Variants in TSGA10IP observed in about 807,000 individuals in gnomAD.
TSGA10IP encodes the protein testis specific 10 interacting protein, also known as testis-specific protein 10-interacting protein.
A neutral mutation model predicts 63.2 loss-of-function variants in TSGA10IP; 64 were observed. The ratio of observed to expected loss-of-function variants is 1.01; its 90% CI spans 0.83 to 1.25. The LOEUF is 1.25. Ranked by LOEUF, TSGA10IP falls within the 50% of genes most tolerant of loss-of-function variation. The probability of loss-of-function intolerance (pLI) is 0.00; values close to 1 mark genes in which losing one functional copy is unlikely to be tolerated. For missense variants in TSGA10IP, 681 were observed against 710.1 expected (o/e 0.96, Z 0.47); for synonymous variants, 316 against 298.3 (o/e 1.06, Z -0.61).
chr11:65,953,645 T>A lies in TSGA10IP; in HGVS notation c.1230T>A (p.His410Gln), dbSNP rs771119134. 4 of 1,590,880 alleles carry A rather than the reference T, an allele frequency of 2.5e-6. No homozygotes were observed. The South Asian group carries it at 4.5e-5, about 18-fold the overall frequency. ...AGCTGCGGCGGGCCCGGACACAGCA[T>A]GTACAGCGGCAGGTGGCCCACTGCC... Residue 410 changes from histidine to glutamine, a missense_variant, in exon 5 of 8, where the codon CAT (histidine) becomes CAA (glutamine). Transcript: ENST00000532620.
At chr11:65,947,518 T>C in exon 3 of TSGA10IP, 1 of 1,613,612 alleles carries the variant, frequency 6.2e-7, no homozygotes, top group Non-Finnish European at 8.5e-7. Flanking sequence ...GTCTGAGTTC[T>C]GGGGTGCTGC....
chr11:65,958,799 C>A, intron 5 of TSGA10IP, 84 bp from the exon 6 acceptor site: 2 of 1,105,088 alleles, frequency 1.8e-6, no homozygotes, highest in Non-Finnish European at 2.7e-6. Context: ...AATATCAAGT[C>A]CTTAGTGAAG....
At chr11:65,947,798 C>A in exon 3 of TSGA10IP, 1 of 1,574,998 alleles carries the variant, frequency 6.3e-7, no homozygotes, top group Non-Finnish European at 8.6e-7. Flanking sequence ...GGAGAAGCTG[C>A]ACAGGCAGCT....
intron 5 of TSGA10IP, among the ~76,000 whole-genome samples, chr11:65,957,379 G>C (rs145461986): frequency 1.3e-5 from 2 of 152,120 alleles, no homozygotes; most frequent in African/African-American, 4.8e-5. Context: ...TCGATCTCCT[G>C]ACCTCGAGAT....
At chr11:65,954,663 CA>C (rs1415484235) in intron 5 of TSGA10IP, among the ~76,000 whole-genome samples, 1 of 151,930 alleles carries the variant, frequency 6.6e-6, no homozygotes, top group Non-Finnish European at 1.5e-5. Flanking sequence ...ACTAAAAATA[CA>C]AAAAGTAGCC....
At chr11:65,959,720 C>T (rs546592209) in intron 7 of TSGA10IP, 97 bp from the exon 8 acceptor site, 33 of 1,451,258 alleles carry the variant, frequency 2.3e-5, no homozygotes, top group South Asian at 1.3e-4. Flanking sequence ...CACAGCAAGC[C>T]GGCACTGAAG....
At chr11:65,958,331 T>G (rs139477950) in intron 5 of TSGA10IP, among the ~76,000 whole-genome samples, 2 of 152,342 alleles carry the variant, frequency 1.3e-5, no homozygotes, top group East Asian at 3.9e-4. Flanking sequence ...GAAACATATT[T>G]TTTTTTAGTT....
At chr11:65,946,298 C>T (rs755398537) in intron 1 of TSGA10IP, among the ~76,000 whole-genome samples, 57 of 152,260 alleles carry the variant, frequency 3.7e-4, no homozygotes, top group African/African-American at 1.0e-3. Context: ...TAGTGAGTAC[C>T]GGCCTCCTAG....
At chr11:65,956,357 G>C (rs1855024528) in intron 5 of TSGA10IP, among the ~76,000 whole-genome samples, 1 of 151,946 alleles carries the variant, frequency 6.6e-6, no homozygotes, top group Admixed American at 6.6e-5. Flanking sequence ...GGCTGGTCTT[G>C]AACTCCCGAC....
chr11:65,946,935 A>G (rs1184625121), exon 2 of TSGA10IP: 1 of 1,613,962 alleles, frequency 6.2e-7, no homozygotes, highest in South Asian at 1.1e-5. Flanking sequence ...CAGAGGTCTC[A>G]GAGCTCAAGG....
At chr11:65,952,227 C>T (rs1464493241) in intron 4 of TSGA10IP, among the ~76,000 whole-genome samples, 1 of 152,088 alleles carries the variant, frequency 6.6e-6, no homozygotes, top group Non-Finnish European at 1.5e-5. Context: ...ATATTAACCC[C>T]TTTTCAGATG....
intron 4 of TSGA10IP, among the ~76,000 whole-genome samples, chr11:65,951,518 T>TTTATTTTTA (rs1555055830): frequency 3.6e-5 from 5 of 139,116 alleles, no homozygotes; most frequent in African/African-American, 8.0e-5. Context: ...ATTTGCTTAT[T>TTTATTTTTA]TTATTATTAT....
At chr11:65,953,308 G>A (rs1854969841) in intron 4 of TSGA10IP, among the ~76,000 whole-genome samples, 1 of 152,142 alleles carries the variant, frequency 6.6e-6, no homozygotes, top group Non-Finnish European at 1.5e-5. Flanking sequence ...TGGGATTACA[G>A]GCATGAACCA....
rs1461071856 is a variant in TSGA10IP at position 65,947,451 on chromosome 11, CG to C, written c.628del (p.Ala210ArgfsTer20). ...CCTGGGAGGAGGCCAGGATCAGGATCGGCGTCCGACAAGCAGGTCCAGCTGC... is the reference window on the plus strand; with the variant it reads ...CCTGGGAGGAGGCCAGGATCAGGATCGCGTCCGACAAGCAGGTCCAGCTGC... On this transcript the variant is annotated frameshift_variant, in exon 3 of 8. Coordinates refer to ENST00000532620, the Ensembl canonical transcript of TSGA10IP. LOFTEE classifies it high-confidence loss of function. 2 of 1,613,362 alleles carry C rather than the reference CG, an allele frequency of 1.2e-6. No homozygotes were observed. Among genetic ancestry groups the C allele is most frequent in the African/African-American group, 2.7e-5 (2 of 74,910 alleles).
rs370190488 is a variant in TSGA10IP at position 65,947,372 on chromosome 11, A to G, written c.547A>G (p.Ile183Val). 4 of 1,612,450 alleles carry G rather than the reference A, an allele frequency of 2.5e-6. No individual in the cohort carries two copies. The highest frequency in any genetic ancestry group is 1.1e-5 in the South Asian group (1 of 90,854). The stretch of plus-strand genomic sequence containing the variant: ...GCTGGGAGCCTGGGGCGGTGTCTCC[A>G]TCCCTACTGGCAAAGGGGAGCTAGG... The change falls in exon 3 of 8, where the codon ATC (isoleucine) becomes GTC (valine). Residue 183 changes from isoleucine to valine, a missense_variant. By Grantham distance (29) the Ile-to-Val change is conservative. Transcript: ENST00000532620.
At chr11:65,957,527 C>T (rs1590627034) in intron 5 of TSGA10IP, among the ~76,000 whole-genome samples, 1 of 152,232 alleles carries the variant, frequency 6.6e-6, no homozygotes, top group African/African-American at 2.4e-5. Context: ...GCCATAAATT[C>T]CTTCCTAAAT....
chr11:65,955,594 CAG>C (rs1257434075), intron 5 of TSGA10IP, among the ~76,000 whole-genome samples: 1 of 149,068 alleles, frequency 6.7e-6, no homozygotes, highest in African/African-American at 2.5e-5. Flanking sequence ...GCCTGGGTGA[CAG>C]AGAAAGACTC....
chr11:65,957,840 C>T (rs554836722), intron 5 of TSGA10IP, among the ~76,000 whole-genome samples: 1 of 152,226 alleles, frequency 6.6e-6, no homozygotes, highest in Non-Finnish European at 1.5e-5. Context: ...AGATGGATGC[C>T]TGGTCCCATG....
chr11:65,945,751 G>A (rs371012781), exon 1 of TSGA10IP: 45 of 1,613,098 alleles, frequency 2.8e-5, no homozygotes, highest in Non-Finnish European at 3.4e-5. Context: ...AGGGCAGGAC[G>A]TGCGGCTCCA....
Sources: gnomAD v4.1 joint callset for allele counts (sites outside exome capture counted in the v4.1 genomes callset) on GRCh38, gnomAD v4.1.1 for gene constraint, MANE v1.5 for transcripts, NCBI Gene and HGNC (gene_info 2026-07-23, HGNC 2026-07-21) for gene names.